The following PARN variants were observed in gnomAD, a reference collection of about 807,000 sequenced individuals.
The protein encoded by PARN is poly(A)-specific ribonuclease PARN.
Under a neutral mutation model 102.8 loss-of-function variants are expected in PARN, and 71 were observed. The observed-to-expected ratio is 0.69, with a 90% confidence interval of 0.57 to 0.84. PARN has a LOEUF of 0.84. Among genes scored for constraint, PARN ranks in the 40% least tolerant of loss-of-function variants. The probability of loss-of-function intolerance (pLI) is 0.00; values close to 1 mark genes in which losing one functional copy is unlikely to be tolerated. For synonymous variants in PARN, 261 were observed against 252.9 expected (o/e 1.03, Z -0.30); for missense variants, 782 against 760.9 (o/e 1.03, Z -0.33).
At chr16:14,441,967 T>C (rs981117485) in intron 23 of PARN, among the ~76,000 whole-genome samples, 5 of 152,198 alleles carry the variant, frequency 3.3e-5, no homozygotes, top group African/African-American at 1.2e-4. Context: ...CCAGGTTCTT[T>C]GGCAAACACT....
At chr16:14,543,129 C>T (rs1448066077) in intron 21 of PARN, among the ~76,000 whole-genome samples, 1 of 152,112 alleles carries the variant, frequency 6.6e-6, no homozygotes, top group Non-Finnish European at 1.5e-5. Context: ...ATGACACAAA[C>T]ATCTCATCTT....
intron 18 of PARN, among the ~76,000 whole-genome samples, chr16:14,571,781 C>G (rs1186499650): frequency 6.6e-6 from 1 of 152,142 alleles, no homozygotes; most frequent in Non-Finnish European, 1.5e-5. Flanking sequence ...TTCTAATATT[C>G]TCAATTTAAA....
chr16:14,591,642 AC>A (rs1386958692), intron 13 of PARN, among the ~76,000 whole-genome samples: 1 of 152,216 alleles, frequency 6.6e-6, no homozygotes, highest in Non-Finnish European at 1.5e-5. Flanking sequence ...AAACGTGCCA[AC>A]GTTCATTTTA....
At chr16:14,570,523 G>A (rs1407163746) in intron 18 of PARN, among the ~76,000 whole-genome samples, 2 of 151,200 alleles carry the variant, frequency 1.3e-5, no homozygotes, top group African/African-American at 4.9e-5. Context: ...GGTGGCGCAT[G>A]CTTGTAGTCT....
chr16:14,613,920 G>A (rs1431263972), intron 6 of PARN, among the ~76,000 whole-genome samples: 1 of 152,070 alleles, frequency 6.6e-6, no homozygotes, highest in South Asian at 2.1e-4. Context: ...CAGAGCAAGT[G>A]AATCAGAAGC....
At chr16:14,477,439 CA>C (rs796238081) in intron 22 of PARN, among the ~76,000 whole-genome samples, 68 of 102,562 alleles carry the variant, frequency 6.6e-4, no homozygotes, top group Admixed American at 8.5e-4. Context: ...GAGTTCGTCT[CA>C]AAAAAAAAAA....
intron 14 of PARN, among the ~76,000 whole-genome samples, chr16:14,585,038 C>A (rs1398210733): frequency 6.6e-6 from 1 of 152,214 alleles, no homozygotes; most frequent in Non-Finnish European, 1.5e-5. Context: ...CTTCATTGAG[C>A]AACTGCAGGA....
chr16:14,604,567 T>C (rs960400401), intron 10 of PARN, among the ~76,000 whole-genome samples: 15 of 151,884 alleles, frequency 9.9e-5, no homozygotes, highest in Admixed American at 7.2e-4. Context: ...GCCACAGATA[T>C]ATACAATTTT....
chr16:14,440,185 G>GA (rs1359917863), intron 23 of PARN, among the ~76,000 whole-genome samples: 2 of 152,118 alleles, frequency 1.3e-5, no homozygotes, highest in African/African-American at 2.4e-5. Context: ...AGAACAAAGG[G>GA]AAAAAATGAA....
chr16:14,516,483 G>A (rs1317097243), intron 21 of PARN, among the ~76,000 whole-genome samples: 1 of 152,096 alleles, frequency 6.6e-6, no homozygotes, highest in Non-Finnish European at 1.5e-5. Flanking sequence ...CAGCGCATCT[G>A]GTCAAAAAGA....
At chr16:14,510,405 T>A (rs79002174) in intron 21 of PARN, among the ~76,000 whole-genome samples, 1,534 of 152,182 alleles carry the variant, frequency 0.01, 27 homozygotes, top group African/African-American at 0.035. Flanking sequence ...TTTGGCGAAT[T>A]CTAGTGGGAA....
At chr16:14,619,592 CT>C (rs1263006922) in intron 5 of PARN, among the ~76,000 whole-genome samples, 1 of 151,898 alleles carries the variant, frequency 6.6e-6, no homozygotes, top group Non-Finnish European at 1.5e-5. Flanking sequence ...GGAGACCCAT[CT>C]CTACAAAAAA....
intron 9 of PARN, 39 bp downstream of exon 9, chr16:14,608,242 G>A: frequency 7.1e-7 from 1 of 1,409,920 alleles, no homozygotes; most frequent in Non-Finnish European, 9.7e-7. Flanking sequence ...TAAATCCTGG[G>A]TCCCCCACAG....
Position 14,447,985 on chromosome 16 carries a change from T to C in PARN, c.1671-904A>G, listed in dbSNP as rs908767527. 3.5e-5 allele frequency among the ~76,000 whole-genome samples: 5 copies of C among 144,712 alleles called. No individual in the cohort carries two copies. The East Asian group carries it at 6.0e-4, about 17-fold the overall frequency. 94.9% of individuals were successfully genotyped at this position (144,712 alleles called of 152,430 possible). ...ATCTATCTATCTATCTATCTATCTATCTAATCTAATTATTTTTGAGACACA... is the reference window on the plus strand; with the variant it reads ...ATCTATCTATCTATCTATCTATCTACCTAATCTAATTATTTTTGAGACACA... On this transcript the variant is annotated intron_variant, in intron 22 of 23. Transcript: ENST00000437198.
intron 21 of PARN, among the ~76,000 whole-genome samples, chr16:14,544,352 G>A (rs1053338323): frequency 2.0e-5 from 3 of 152,104 alleles, no homozygotes; most frequent in African/African-American, 4.8e-5. Flanking sequence ...ATGCAGGTGG[G>A]TCACTTGAGG....
In PARN at chr16:14,436,916, G is replaced by C. The variant is rs1960731461; in HGVS notation, c.1865-144C>G. The C allele has an allele frequency of 4.6e-6, 3 of 645,610 alleles. No homozygotes were observed. The Admixed American group carries it at 7.9e-5, about 17-fold the overall frequency. The allele number at this position is 645,610 out of a possible 1,614,324, so 40.0% of individuals were successfully genotyped here. ...TGGCTAAACAGCTGCGCTGGAAAGA[G>C]TCCACAGACAGGTCTTGTCTAGGGA... On this transcript the variant is annotated intron_variant, in intron 23 of 23. Transcript: ENST00000437198.
At chr16:14,559,362 T>C (rs927658473) in intron 18 of PARN, among the ~76,000 whole-genome samples, 1 of 152,112 alleles carries the variant, frequency 6.6e-6, no homozygotes, top group Non-Finnish European at 1.5e-5. Context: ...TTATCTCTGA[T>C]TAAAGTAAGC....
intron 18 of PARN, among the ~76,000 whole-genome samples, chr16:14,574,884 G>A (rs543768147): frequency 1.3e-5 from 2 of 152,228 alleles, no homozygotes; most frequent in East Asian, 3.9e-4. Context: ...GGAAAAAATG[G>A]TTTCACAGGC....
chr16:14,482,534 T>A, intron 22 of PARN, 104 bp downstream of exon 22: 1 of 872,828 alleles, frequency 1.1e-6, no homozygotes, highest in South Asian at 1.9e-5. Context: ...TGAAAGGCCA[T>A]CTTTCCCAAA....
Sources: allele counts gnomAD v4.1 joint callset (sites outside exome capture counted in the v4.1 genomes callset), GRCh38; gene constraint gnomAD v4.1.1; transcripts MANE v1.5; gene names NCBI Gene and HGNC (gene_info 2026-07-23, HGNC 2026-07-21).